FRMPD3: variants seen among roughly 807,000 people sequenced by gnomAD.
FRMPD3 encodes the protein FERM and PDZ domain-containing protein 3.
In FRMPD3, 42 loss-of-function variants were observed where a neutral mutation model predicts 97.9. That is an observed-to-expected ratio of 0.43 (90% CI 0.34 to 0.55). The LOEUF (loss-of-function observed/expected upper bound fraction) is 0.55. Among genes scored for constraint, FRMPD3 ranks in the 20% least tolerant of loss-of-function variants. The pLI is 0.03. For missense variants in FRMPD3, 1,303 were observed against 1,457.7 expected, an observed-to-expected ratio of 0.89 and a Z score of 1.73; for synonymous variants, 577 against 581.1, an observed-to-expected ratio of 0.99 and a Z score of 0.10.
At chrX:107,519,954 G>A (rs1187200108) in intron 1 of FRMPD3, among the ~76,000 whole-genome samples, 1 of 111,644 alleles carries the variant, frequency 9.0e-6, no homozygotes, top group South Asian at 3.8e-4. Context: ...ATAAATTGAG[G>A]CTATAGGAGA....
At position 107,602,216 on chromosome X, in the gene FRMPD3, C is replaced by T. The variant is rs767491266; in HGVS notation, c.4177C>T (p.Arg1393Cys). 28 of 1,208,501 alleles carry T rather than the reference C, an allele frequency of 2.3e-5. No homozygotes were observed. The highest frequency in any genetic ancestry group is 3.0e-5 in the East Asian group (1 of 33,740). ...LGAPNYRKLM[R>C]RYSISELDQG... ...AGCTCCCAATTACAGGAAACTGATG[C>T]GCCGCTACAGTATCAGTGAGCTGGA... is the stretch of plus-strand genomic sequence containing the variant. Residue 1393 changes from arginine to cysteine, a missense_variant, in exon 15 of 15, where the codon CGC becomes TGC. Physicochemically the swap from Arg to Cys is radical, Grantham distance 180 (BLOSUM62 -3). Transcript: ENST00000683843.
chrX:107,496,710 C>T (rs1049045755), intron 1 of FRMPD3, among the ~76,000 whole-genome samples: 1 of 111,448 alleles, frequency 9.0e-6, no homozygotes, highest in Admixed American at 9.5e-5. Context: ...TGAACAGTTT[C>T]TCTGCAGTAT....
intron 1 of FRMPD3, among the ~76,000 whole-genome samples, chrX:107,477,589 T>C (rs1921234428): frequency 1.8e-5 from 2 of 112,687 alleles, no homozygotes; most frequent in Non-Finnish European, 3.8e-5. Context: ...TTAATCAGCT[T>C]CCTGACAGAT....
chrX:107,461,646 C>T (rs1010429707), intron 1 of FRMPD3, among the ~76,000 whole-genome samples: 7 of 110,829 alleles, frequency 6.3e-5, no homozygotes, highest in East Asian at 2.8e-4. Flanking sequence ...CATCTTTCAT[C>T]GTGTCAGTCC....
At chrX:107,466,245 G>A (rs924077140) in intron 1 of FRMPD3, among the ~76,000 whole-genome samples, 7 of 112,374 alleles carry the variant, frequency 6.2e-5, no homozygotes, top group African/African-American at 2.3e-4. Context: ...AAGACTCTTG[G>A]GACAGGGAGA....
chrX:107,542,665 A>T (rs1921369713), intron 4 of FRMPD3, among the ~76,000 whole-genome samples: 1 of 112,441 alleles, frequency 8.9e-6, no homozygotes, highest in African/African-American at 3.2e-5. Flanking sequence ...GGCCCAAGAC[A>T]CAATGAGGAC....
At chrX:107,598,520 G>C (rs191468005) in intron 14 of FRMPD3, among the ~76,000 whole-genome samples, 101 of 111,666 alleles carry the variant, frequency 9.0e-4, no homozygotes, top group African/African-American at 3.1e-3. Context: ...AAAGGAAAAC[G>C]ACCAACTCAC....
At chrX:107,580,184 T>C (rs1923319172) in intron 13 of FRMPD3, among the ~76,000 whole-genome samples, 1 of 112,364 alleles carries the variant, frequency 8.9e-6, no homozygotes, top group Admixed American at 9.5e-5. Flanking sequence ...TCCTGTTCTT[T>C]GCAAGCATTT....
chrX:107,502,312 A>G (rs1023065627), intron 1 of FRMPD3, among the ~76,000 whole-genome samples: 1 of 111,191 alleles, frequency 9.0e-6, no homozygotes, highest in African/African-American at 3.3e-5. Flanking sequence ...GAGGTTAGCT[A>G]TGAAGGAGGG....
intron 4 of FRMPD3, among the ~76,000 whole-genome samples, chrX:107,539,650 A>T (rs1390434698): frequency 9.0e-6 from 1 of 111,242 alleles, no homozygotes; most frequent in Non-Finnish European, 1.9e-5. Context: ...GAGCTTCCTG[A>T]CGTATAGTGT....
rs1382881153 is a variant in FRMPD3 at position 107,597,595 on chromosome X, T to C, written c.1716T>C (p.Gly572=). 3.8e-5 allele frequency: 46 copies of C among 1,208,520 alleles called. No individual in the cohort carries two copies. The highest frequency in any genetic ancestry group is 4.9e-5 in the Non-Finnish European group (44 of 895,001). ...CCACATCCAAAAGCTCTGGCCAAGG[T>C]TATGAGGTAGTCCCTGATGACTTTG... ...SDPTSKSSGQ[G]YEVVPDDFDA... The change falls in exon 14 of 15, where the codon GGT becomes GGC. Residue 572 remains glycine, a synonymous_variant. Transcript: ENST00000683843.
chrX:107,487,164 G>T (rs1255550982), intron 1 of FRMPD3, among the ~76,000 whole-genome samples: 4 of 111,017 alleles, frequency 3.6e-5, no homozygotes. Flanking sequence ...TGAGGCAGGA[G>T]AATTGCTTGA....
intron 1 of FRMPD3, among the ~76,000 whole-genome samples, chrX:107,526,032 T>C (rs1037314132): frequency 4.5e-5 from 5 of 111,000 alleles, no homozygotes; most frequent in Non-Finnish European, 9.5e-5. Flanking sequence ...GCCAAGATCG[T>C]GTCACTGCAC....
rs373975442 is a variant in FRMPD3 at position 107,597,555 on chromosome X, G to C, written c.1676G>C (p.Arg559Pro). 2.5e-6 allele frequency: 3 copies of C among 1,208,859 alleles called. No individual in the cohort carries two copies. Among genetic ancestry groups the C allele is most frequent in the Non-Finnish European group, 3.4e-6 (3 of 895,099 alleles). The change falls in exon 14 of 15, where the codon CGA (arginine) becomes CCA (proline). Residue 559 changes from arginine to proline, a missense_variant. This residue lies in a region of FRMPD3 where 535 missense variants were observed against 618.6 expected (regional missense o/e 0.86). Transcript: ENST00000683843. Reference protein sequence around the residue: ...NLIFFEETRPRTKSDPTSKSS... With the variant: ...NLIFFEETRPPTKSDPTSKSS... Reference sequence around the variant, plus strand: ...ATCTTCTTTGAGGAGACCAGGCCCCGAACCAAGTCTGACCCCACATCCAAA... The same window carrying C: ...ATCTTCTTTGAGGAGACCAGGCCCCCAACCAAGTCTGACCCCACATCCAAA...
Position 107,602,453 on chromosome X carries a change from C to A in FRMPD3, c.4414C>A (p.Pro1472Thr), listed in dbSNP as rs1924574727. The A allele has an allele frequency of 2.5e-5, 30 of 1,209,784 alleles. No individual in the cohort carries two copies. Among genetic ancestry groups the A allele is most frequent in the Non-Finnish European group, 3.4e-5 (30 of 895,078 alleles). Residue 1472 changes from proline to threonine, a missense_variant, in exon 15 of 15, where the codon CCC becomes ACC. Transcript: ENST00000683843. ...GPRQMAVFSLPEEVYRKPAEL... is the reference protein window; with the variant it reads ...GPRQMAVFSLTEEVYRKPAEL... ...CAGACAGATGGCCGTGTTCTCACTG[C>A]CCGAGGAGGTGTACCGGAAGCCTGC...
At position 107,519,499 on chromosome X, in the gene FRMPD3, A is replaced by G. The variant is rs372980621; in HGVS notation, c.-7-7083A>G. 2.1e-4 allele frequency among the ~76,000 whole-genome samples: 23 copies of G among 111,635 alleles called. No homozygotes were observed. The Admixed American group carries it at 2.1e-3, about 10-fold the overall frequency. ...ACAGAGTGAGACCCTGTCTCAATCA[A>G]TCGAATCAATCAATAATAAAAATGG... is the stretch of plus-strand genomic sequence containing the variant. On this transcript the variant is annotated intron_variant, in intron 1 of 14. Transcript: ENST00000683843.
intron 1 of FRMPD3, among the ~76,000 whole-genome samples, chrX:107,488,839 T>A (rs897099983): frequency 7.2e-5 from 8 of 110,895 alleles, no homozygotes; most frequent in Non-Finnish European, 1.5e-4. Flanking sequence ...TTAATTTTAT[T>A]TTATTATTAT....
At chrX:107,515,139 G>T (rs1361239569) in intron 1 of FRMPD3, among the ~76,000 whole-genome samples, 1 of 111,496 alleles carries the variant, frequency 9.0e-6, no homozygotes, top group Non-Finnish European at 1.9e-5. Flanking sequence ...GCAAATTTGG[G>T]AGTTGTCTGA....
chrX:107,468,350 A>G (rs1931611432), intron 1 of FRMPD3, among the ~76,000 whole-genome samples: 1 of 112,549 alleles, frequency 8.9e-6, no homozygotes, highest in African/African-American at 3.2e-5. Context: ...TTCAACGAAC[A>G]AATATTCATT....
Sources: gnomAD v4.1 joint callset for allele counts (sites outside exome capture counted in the v4.1 genomes callset) on GRCh38, gnomAD v4.1.1 for gene constraint, gnomAD v4.1.1 regional missense constraint, MANE v1.5 for transcripts, NCBI Gene and HGNC (gene_info 2026-07-23, HGNC 2026-07-21) for gene names.